The following DGKB variants were observed in gnomAD, a reference collection of about 807,000 sequenced individuals.
DGKB encodes the protein 90 kDa diacylglycerol kinase.
Under a neutral mutation model 114.3 loss-of-function variants are expected in DGKB, and 67 were observed. That is an observed-to-expected ratio of 0.59 (90% CI 0.48 to 0.72). The LOEUF (loss-of-function observed/expected upper bound fraction) is 0.72, where lower values mean the gene tolerates loss of function less well. DGKB is among the 30% of genes least tolerant of loss of function. DGKB has a pLI of 0.00. For synonymous variants in DGKB, 398 were observed against 323.1 expected, an observed-to-expected ratio of 1.23 and a Z score of -2.49; for missense variants, 907 against 975.2, an observed-to-expected ratio of 0.93 and a Z score of 0.93.
At chr7:14,249,559 A>C (rs566326368) in intron 23 of DGKB, among the ~76,000 whole-genome samples, 1 of 152,230 alleles carries the variant, frequency 6.6e-6, no homozygotes, top group South Asian at 2.1e-4. Context: ...TTTATCATTT[A>C]GTTTTGGTAG....
At chr7:14,668,817 A>G (rs1361877602) in intron 13 of DGKB, among the ~76,000 whole-genome samples, 1 of 152,064 alleles carries the variant, frequency 6.6e-6, no homozygotes, top group Non-Finnish European at 1.5e-5. Context: ...CTTTGCATAT[A>G]TTCTCAACTC....
chr7:14,274,961 G>GTC (rs1353742350), intron 23 of DGKB, among the ~76,000 whole-genome samples: 10 of 147,078 alleles, frequency 6.8e-5, no homozygotes, highest in Admixed American at 6.8e-4. Flanking sequence ...GTGTGTGTGT[G>GTC]TGTGTGTGTG....
intron 20 of DGKB, among the ~76,000 whole-genome samples, chr7:14,540,002 A>C (rs1186443979): frequency 6.6e-6 from 1 of 152,004 alleles, no homozygotes; most frequent in East Asian, 1.9e-4. Context: ...TGTTTTTCTC[A>C]TTTATATACT....
At chr7:14,969,921 A>G (rs1182537430) in intron 1 of DGKB, among the ~76,000 whole-genome samples, 1 of 152,234 alleles carries the variant, frequency 6.6e-6, no homozygotes, top group East Asian at 1.9e-4. Flanking sequence ...CTGACACATT[A>G]TGACATTATG....
At chr7:14,369,018 CTCA>C (rs1817178675) in intron 21 of DGKB, among the ~76,000 whole-genome samples, 1 of 152,088 alleles carries the variant, frequency 6.6e-6, no homozygotes, top group African/African-American at 2.4e-5. Context: ...GTTTGCTGCA[CTCA>C]TCAACCCCCC....
At chr7:14,235,417 A>G (rs565067135) in intron 23 of DGKB, among the ~76,000 whole-genome samples, 1 of 152,216 alleles carries the variant, frequency 6.6e-6, no homozygotes, top group East Asian at 1.9e-4. Flanking sequence ...TGATATTAAG[A>G]AACAAAATTC....
At chr7:14,617,583 G>A (rs1806784955) in intron 15 of DGKB, among the ~76,000 whole-genome samples, 2 of 151,544 alleles carry the variant, frequency 1.3e-5, no homozygotes, top group Non-Finnish European at 3.0e-5. Context: ...ATTCAATCAT[G>A]TCACTCCTCT....
intron 23 of DGKB, among the ~76,000 whole-genome samples, chr7:14,204,986 T>C (rs1250770439): frequency 4.6e-5 from 7 of 152,076 alleles, no homozygotes; most frequent in Non-Finnish European, 8.8e-5. Context: ...CCTATGTTTT[T>C]ATCCTCTTAA....
chr7:14,653,624 G>T (rs998748414), intron 13 of DGKB, among the ~76,000 whole-genome samples: 1 of 150,706 alleles, frequency 6.6e-6, no homozygotes, highest in Non-Finnish European at 1.5e-5. Flanking sequence ...CCTGCACAAT[G>T]TGCACATGTA....
chr7:14,574,135 A>T (rs1584905957), intron 20 of DGKB, 77 bp downstream of exon 20: 3 of 1,154,018 alleles, frequency 2.6e-6, no homozygotes, highest in Non-Finnish European at 3.6e-6. Flanking sequence ...TAATCAGTAA[A>T]TTTTCATAGT....
intron 23 of DGKB, among the ~76,000 whole-genome samples, chr7:14,331,294 T>G (rs1468466059): frequency 1.3e-5 from 2 of 152,074 alleles, no homozygotes; most frequent in Non-Finnish European, 2.9e-5. Flanking sequence ...TCAACAGTTT[T>G]AACAACCAGG....
chr7:14,838,561 G>A (rs1847475355), intron 2 of DGKB, among the ~76,000 whole-genome samples: 1 of 151,652 alleles, frequency 6.6e-6, no homozygotes, highest in African/African-American at 2.4e-5. Flanking sequence ...TCTGTCAGTT[G>A]TTGTATTTTA....
rs201399976 is a variant in DGKB, at chr7:14,915,908, A to AG, written c.-188+58787dup. The stretch of plus-strand genomic sequence containing the variant: ...TTTATCAAAGAAAGAGTATCAGAGA[A>AG]GGCATGAATGAGGGTAAAATAAAAT... On this transcript the variant is annotated intron_variant, in intron 1 of 4. Coordinates refer to the DGKB transcript ENST00000437998. 6.4e-3 allele frequency among the ~76,000 whole-genome samples: 972 copies of AG among 152,282 alleles called. 11 individuals are homozygous for AG. Among genetic ancestry groups the AG allele is most frequent in the African/African-American group, 0.021 (888 of 41,556 alleles).
intron 1 of DGKB, among the ~76,000 whole-genome samples, chr7:14,885,530 T>C (rs1039533171): frequency 2.6e-5 from 4 of 151,576 alleles, no homozygotes; most frequent in Admixed American, 2.6e-4. Flanking sequence ...AGAAGGAGAA[T>C]GCAAGGAGTG....
intron 9 of DGKB, among the ~76,000 whole-genome samples, chr7:14,688,634 C>T (rs1822139327): frequency 6.6e-6 from 1 of 152,120 alleles, no homozygotes; most frequent in Non-Finnish European, 1.5e-5. Flanking sequence ...TGAAGCTGTT[C>T]AGGTCCGTGT....
rs571976151 is a variant in DGKB, at chr7:14,753,815, T to C, written c.168+113A>G. 15 of 773,668 alleles carry C rather than the reference T, an allele frequency of 1.9e-5. No individual in the cohort carries two copies. In the East Asian group the frequency reaches 2.2e-4, roughly 11 times the overall value. 47.9% of individuals were successfully genotyped at this position (773,668 alleles called of 1,614,324 possible). A position where few individuals can be genotyped will look rare whatever the true frequency, so the allele number is the denominator to read the frequency against. On this transcript the variant is annotated intron_variant, in intron 4 of 25. Coordinates refer to ENST00000402815, the MANE Select transcript of DGKB (RefSeq NM_001350709.2). ...GTATTATAGGCAACCTTGTATACTATAGAAATCATATTGGTACAGAAGTAT... is the reference window on the plus strand; with the variant it reads ...GTATTATAGGCAACCTTGTATACTACAGAAATCATATTGGTACAGAAGTAT...
At chr7:14,577,538 A>AC (rs1377057613) in intron 19 of DGKB, among the ~76,000 whole-genome samples, 1 of 151,838 alleles carries the variant, frequency 6.6e-6, no homozygotes, top group Non-Finnish European at 1.5e-5. Flanking sequence ...AATGGCGTGA[A>AC]CCCGGGGGGC....
chr7:14,525,099 AT>A (rs563026112), intron 20 of DGKB, among the ~76,000 whole-genome samples: 4 of 151,348 alleles, frequency 2.6e-5, no homozygotes, highest in African/African-American at 4.8e-5. Flanking sequence ...AAAGTTTGGG[AT>A]TTTTTTTTGA....
At position 14,696,501 on chromosome 7, in the gene DGKB, CAAAAAAAAAAAA is replaced by C. The variant is rs35486620; in HGVS notation, c.591+1582_591+1593del. 4.9e-4 allele frequency among the ~76,000 whole-genome samples: 22 copies of C among 45,074 alleles called. No homozygotes were observed. In the East Asian group the frequency reaches 6.3e-3, roughly 13 times the overall value. 29.6% of individuals were successfully genotyped at this position (45,074 alleles called of 152,430 possible). On this transcript the variant is annotated intron_variant, in intron 8 of 25. Coordinates refer to ENST00000402815, the MANE Select transcript of DGKB (RefSeq NM_001350709.2). ...TGGGCGACAGAGCGAGACTCCGTCTCAAAAAAAAAAAAAAAAAAAAAAAAAAAAAAAAGAAAC... is the reference window on the plus strand; with the variant it reads ...TGGGCGACAGAGCGAGACTCCGTCTCAAAAAAAAAAAAAAAAAAAAGAAAC...
Sources: allele counts gnomAD v4.1 joint callset (sites outside exome capture counted in the v4.1 genomes callset), GRCh38; gene constraint gnomAD v4.1.1; transcripts MANE v1.5; gene names NCBI Gene and HGNC (gene_info 2026-07-23, HGNC 2026-07-21).